MNAT1: variants seen among roughly 807,000 people sequenced by gnomAD.
The protein encoded by MNAT1 is CDK-activating kinase assembly factor MAT1.
A neutral mutation model predicts 42.0 loss-of-function variants in MNAT1; 43 were observed. The observed-to-expected ratio is 1.02, with a 90% confidence interval of 0.80 to 1.32. The LOEUF (loss-of-function observed/expected upper bound fraction) is 1.32. Ranked by LOEUF, MNAT1 falls within the 40% of genes most tolerant of loss-of-function variation. MNAT1 has a pLI of 0.00. For missense variants in MNAT1, 306 were observed against 350.4 expected (o/e 0.87, Z 1.01); for synonymous variants, 118 against 120.0 (o/e 0.98, Z 0.11).
intron 4 of MNAT1, among the ~76,000 whole-genome samples, chr14:60,811,130 C>T (rs373889642): frequency 6.6e-6 from 1 of 151,824 alleles, no homozygotes; most frequent in South Asian, 2.1e-4. Flanking sequence ...TATTTTGTCT[C>T]TTATTATGCT....
chr14:60,770,378 A>C (rs2031007682), intron 1 of MNAT1, among the ~76,000 whole-genome samples: 1 of 152,178 alleles, frequency 6.6e-6, no homozygotes, highest in African/African-American at 2.4e-5. Context: ...TTAATGCTCC[A>C]ATGAACATGG....
chr14:60,836,820 C>A (rs1018955320), intron 6 of MNAT1, among the ~76,000 whole-genome samples: 1 of 152,202 alleles, frequency 6.6e-6, no homozygotes, highest in East Asian at 1.9e-4. Context: ...ACGTTTATGT[C>A]TGCTGAAGCT....
rs145831958 is a variant in MNAT1 at position 60,842,040 on chromosome 14, C to T, written c.687+23193C>T. On this transcript the variant is annotated intron_variant, in intron 6 of 7. Coordinates refer to ENST00000261245, the MANE Select transcript of MNAT1 (RefSeq NM_002431.4). ...ACCCAGACAAAAGTTGAGGACATCACTGTGAAATTCTCTAGAGCAGAGGTG... is the reference window on the plus strand; with the variant it reads ...ACCCAGACAAAAGTTGAGGACATCATTGTGAAATTCTCTAGAGCAGAGGTG... Among the ~76,000 whole-genome samples, 58 of 152,332 alleles carry T rather than the reference C, an allele frequency of 3.8e-4. No individual in the cohort carries two copies. The East Asian group carries it at 9.6e-3, about 25-fold the overall frequency.
chr14:60,966,830 A>G (rs2036691305), intron 7 of MNAT1, among the ~76,000 whole-genome samples: 1 of 152,028 alleles, frequency 6.6e-6, no homozygotes. Flanking sequence ...TTATTTAAAT[A>G]TTTTTATTTC....
At chr14:60,869,040 A>ATATATAT (rs1465360826) in intron 6 of MNAT1, among the ~76,000 whole-genome samples, 10 of 113,054 alleles carry the variant, frequency 8.8e-5, no homozygotes, top group African/African-American at 3.1e-4. Flanking sequence ...ATATATATAT[A>ATATATAT]TTTTTTTTTT....
chr14:60,779,658 C>T (rs2031380535), intron 1 of MNAT1, among the ~76,000 whole-genome samples: 1 of 151,798 alleles, frequency 6.6e-6, no homozygotes, highest in Non-Finnish European at 1.5e-5. Flanking sequence ...TGGTGGTGCA[C>T]GCCTGTAATC....
Position 60,915,428 on chromosome 14 carries a change from G to A in MNAT1, c.809+35593G>A, listed in dbSNP as rs2035491094. Reference sequence around the variant, plus strand: ...CTGAGCCACATATTTTAAACTTATTGTGTTTCTTAGATTTCCCATAATGAT... The same window carrying A: ...CTGAGCCACATATTTTAAACTTATTATGTTTCTTAGATTTCCCATAATGAT... On this transcript the variant is annotated intron_variant, in intron 7 of 7. Transcript: ENST00000261245. Among the ~76,000 whole-genome samples, 3 of 152,154 alleles carry A rather than the reference G, an allele frequency of 2.0e-5. No homozygotes were observed. The South Asian group carries it at 6.2e-4, about 32-fold the overall frequency.
chr14:60,876,573 A>G (rs2034440603), intron 6 of MNAT1, among the ~76,000 whole-genome samples: 1 of 151,844 alleles, frequency 6.6e-6, no homozygotes, highest in Admixed American at 6.6e-5. Context: ...TGAAACACTA[A>G]CTGCTCTTTC....
intron 7 of MNAT1, among the ~76,000 whole-genome samples, chr14:60,906,073 C>T (rs1021980710): frequency 2.6e-5 from 4 of 152,012 alleles, no homozygotes; most frequent in Non-Finnish European, 4.4e-5. Context: ...TAGCAAATAC[C>T]TGAATTAGCA....
intron 7 of MNAT1, among the ~76,000 whole-genome samples, chr14:60,888,595 C>A (rs1346132054): frequency 6.6e-6 from 1 of 151,050 alleles, no homozygotes; most frequent in Non-Finnish European, 1.5e-5. Context: ...AAGTTCTGGC[C>A]AGGGCAATCA....
intron 6 of MNAT1, among the ~76,000 whole-genome samples, chr14:60,851,052 T>C (rs2033809450): frequency 6.6e-6 from 1 of 152,208 alleles, no homozygotes; most frequent in Non-Finnish European, 1.5e-5. Context: ...TATTCTTTTT[T>C]GGGTTCATAC....
At chr14:60,877,228 C>A (rs1039327290) in intron 6 of MNAT1, among the ~76,000 whole-genome samples, 4 of 151,994 alleles carry the variant, frequency 2.6e-5, no homozygotes, top group Non-Finnish European at 5.9e-5. Flanking sequence ...TACCTATTGG[C>A]AATATGTATA....
At chr14:60,796,143 A>T (rs1392623188) in intron 1 of MNAT1, 74 bp from the exon 2 acceptor site, 1 of 1,371,470 alleles carries the variant, frequency 7.3e-7, no homozygotes, top group Non-Finnish European at 9.8e-7. Context: ...CTTATCCCAT[A>T]GGGGCAAACT....
chr14:60,915,309 C>G (rs1007278105), intron 7 of MNAT1, among the ~76,000 whole-genome samples: 2 of 152,298 alleles, frequency 1.3e-5, no homozygotes. Flanking sequence ...CCTTATTTCA[C>G]TTGCCCTATT....
chr14:60,777,013 A>C (rs2031277978), intron 1 of MNAT1, among the ~76,000 whole-genome samples: 1 of 151,816 alleles, frequency 6.6e-6, no homozygotes, highest in Admixed American at 6.6e-5. Flanking sequence ...ACTCCCGGCT[A>C]ATTTTTTTGT....
chr14:60,739,113 T>C (rs1177037690), intron 1 of MNAT1, among the ~76,000 whole-genome samples: 1 of 152,076 alleles, frequency 6.6e-6, no homozygotes, highest in Admixed American at 6.6e-5. Flanking sequence ...GACTCTTCCA[T>C]AGGGCTACTT....
At chr14:60,965,083 T>C (rs1054472046) in intron 7 of MNAT1, among the ~76,000 whole-genome samples, 2 of 152,110 alleles carry the variant, frequency 1.3e-5, no homozygotes, top group Non-Finnish European at 2.9e-5. Context: ...AACAGCAAAG[T>C]AAATAAGCAG....
At chr14:60,894,705 G>A (rs533979895) in intron 7 of MNAT1, among the ~76,000 whole-genome samples, 1 of 152,020 alleles carries the variant, frequency 6.6e-6, no homozygotes, top group African/African-American at 2.4e-5. Flanking sequence ...TCTGTTGGTG[G>A]TGGTGGTGGT....
At chr14:60,811,830 A>G (rs1381596204) in intron 4 of MNAT1, among the ~76,000 whole-genome samples, 157 bp from the exon 5 acceptor site, 4 of 152,222 alleles carry the variant, frequency 2.6e-5, no homozygotes, top group African/African-American at 9.6e-5. Context: ...CATGAAATAA[A>G]GTAAATTCTA....
Sources: gnomAD v4.1 joint callset for allele counts (sites outside exome capture counted in the v4.1 genomes callset) on GRCh38, gnomAD v4.1.1 for gene constraint, MANE v1.5 for transcripts, NCBI Gene and HGNC (gene_info 2026-07-23, HGNC 2026-07-21) for gene names.